The following CIAO1 variants were observed in gnomAD, a reference collection of about 807,000 sequenced individuals.
The protein encoded by CIAO1 is cytosolic iron-sulfur assembly component 1.
In CIAO1, 32 loss-of-function variants were observed where a neutral mutation model predicts 43.1. The observed-to-expected ratio is 0.74, with a 90% confidence interval of 0.56 to 1.00. The LOEUF is 1.00. Ranked by LOEUF, CIAO1 falls within the 50% of genes least tolerant of loss-of-function variation. The pLI, the probability that CIAO1 is intolerant of heterozygous loss-of-function variation, is 0.00. For missense variants in CIAO1, 415 were observed against 437.4 expected (o/e 0.95, Z 0.46); for synonymous variants, 183 against 171.4 (o/e 1.07, Z -0.53).
At position 96,271,166 on chromosome 2, in the gene CIAO1, T is replaced by G; in HGVS notation, c.835T>G (p.Phe279Val). Residue 279 changes from phenylalanine (F) to valine (V), a missense_variant, in exon 7 of 7, where the codon TTT becomes GTT. Coordinates refer to ENST00000488633, the MANE Select transcript of CIAO1 (RefSeq NM_004804.3). ...TACGDDAIRV[F>V]QEDPNSDPQQ... ...TTGTGGGGATGACGCGATCCGCGTG[T>G]TTCAGGAGGATCCCAACTCGGATCC... The G allele has an allele frequency of 6.2e-7, 1 of 1,614,196 alleles. No homozygotes were observed. The highest frequency in any genetic ancestry group is 1.7e-5 in the Admixed American group (1 of 60,018).
chr2:96,266,566 G>A, intron 1 of CIAO1, 77 bp downstream of exon 1: 2 of 1,291,726 alleles, frequency 1.5e-6, no homozygotes, highest in Non-Finnish European at 2.0e-6. Context: ...CAGCCTGCAG[G>A]GGAGGCTGAA....
intron 6 of CIAO1, among the ~76,000 whole-genome samples, chr2:96,269,710 T>G (rs1016100790): frequency 6.6e-6 from 1 of 152,114 alleles, no homozygotes; most frequent in African/African-American, 2.4e-5. Context: ...TGCGGTGGCG[T>G]GATCTCATCT....
chr2:96,269,114 T>TA lies in CIAO1; in HGVS notation c.692-153dup, dbSNP rs929686240. 18 of 668,018 alleles carry TA rather than the reference T, an allele frequency of 2.7e-5. No individual in the cohort carries two copies. The Admixed American group carries it at 2.9e-4, about 11-fold the overall frequency. 41.4% of individuals were successfully genotyped at this position (668,018 alleles called of 1,614,324 possible). On this transcript the variant is annotated intron_variant, in intron 5 of 6. Coordinates refer to ENST00000488633, the MANE Select transcript of CIAO1 (RefSeq NM_004804.3). ...TGCTTGAGAAACGCCAGTCTGGCTA[T>TA]AGTGTGTAAGGCAGATAAGCAGGGA...
In CIAO1 at chr2:96,268,874, C is replaced by T. The variant is rs1316482011; in HGVS notation, c.691+216C>T. The T allele has an allele frequency of 1.6e-5, 9 of 577,088 alleles. No homozygotes were observed. In the East Asian group the frequency reaches 1.8e-4, roughly 11 times the overall value. The allele number at this position is 577,088 out of a possible 1,614,324, so 35.7% of individuals were successfully genotyped here. A position where few individuals can be genotyped will look rare whatever the true frequency, so the allele number is the denominator to read the frequency against. ...GTAGGATTTTAACATGAGAATTTCA[C>T]GTGAGAATTCAAGTGAAAACTCAAC... On this transcript the variant is annotated intron_variant, in intron 5 of 6. Transcript: ENST00000488633.
At position 96,268,488 on chromosome 2, in the gene CIAO1, T is replaced by C; in HGVS notation, c.521T>C (p.Val174Ala). Residue 174 changes from valine (V) to alanine (A), a missense_variant, in exon 5 of 7, where the codon GTG (valine) becomes GCG (alanine). Val to Ala is a moderately conservative substitution (Grantham distance 64). Transcript: ENST00000488633. ...GCTTCTGCCAGCTATGATGACACAG[T>C]GAAGCTGTACCGGGAGGAAGAGGAT... is the stretch of plus-strand genomic sequence containing the variant. ...LLASASYDDT[V>A]KLYREEEDDW... The C allele has an allele frequency of 1.9e-6, 3 of 1,614,196 alleles. No homozygotes were observed. Among genetic ancestry groups the C allele is most frequent in the Non-Finnish European group, 2.5e-6 (3 of 1,180,036 alleles).
rs753252906 is a variant in CIAO1 at position 96,271,118 on chromosome 2, C to A, written c.787C>A (p.Leu263Met). The A allele has an allele frequency of 1.4e-5, 23 of 1,614,098 alleles. No individual in the cohort carries two copies. The highest frequency in any genetic ancestry group is 1.8e-5 in the Non-Finnish European group (21 of 1,180,046). ...RTIYDIAWCQ[L>M]TGALATACGD... ...ATGTCACTTTCCTTCCAGGTGTCAG[C>A]TGACAGGGGCTCTGGCCACAGCTTG... The change falls in exon 7 of 7, where the codon CTG (leucine) becomes ATG (methionine). Residue 263 changes from leucine to methionine, a missense_variant. Physicochemically the swap from Leu to Met is conservative, Grantham distance 15. Transcript: ENST00000488633.
Position 96,268,596 on chromosome 2 carries a change from C to T in CIAO1, c.629C>T (p.Ala210Val), listed in dbSNP as rs767347306. 5 of 1,614,048 alleles carry T rather than the reference C, an allele frequency of 3.1e-6. No homozygotes were observed. The highest frequency in any genetic ancestry group is 2.2e-5 in the South Asian group (2 of 91,088). ...TTTGACCCGAGTGGCCAGCGCCTGGCGTCTTGTAGTGATGACCGTACTGTG... is the reference window on the plus strand; with the variant it reads ...TTTGACCCGAGTGGCCAGCGCCTGGTGTCTTGTAGTGATGACCGTACTGTG... ...LAFDPSGQRL[A>V]SCSDDRTVRI... Residue 210 changes from alanine to valine, a missense_variant, in exon 5 of 7, where the codon GCG becomes GTG. Physicochemically the swap from Ala to Val is moderately conservative, Grantham distance 64. Transcript: ENST00000488633.
At chr2:96,267,134 CA>C (rs1183454827) in intron 1 of CIAO1, among the ~76,000 whole-genome samples, 186 bp from the exon 2 acceptor site, 1,403 of 36,768 alleles carry the variant, frequency 0.038, 9 homozygotes, top group African/African-American at 0.15. Flanking sequence ...AACTCCGTCT[CA>C]AAAAAAAAAA....
intron 1 of CIAO1, 72 bp from the exon 2 acceptor site, chr2:96,267,249 C>G (rs1684451321): frequency 6.7e-7 from 1 of 1,482,516 alleles, no homozygotes. Context: ...GATTCCAGTG[C>G]TAGCCCCTGA....
chr2:96,268,947 G>A, intron 5 of CIAO1: 2 of 566,866 alleles, frequency 3.5e-6, no homozygotes, highest in Non-Finnish European at 6.3e-6. Flanking sequence ...CTGAGGGGTG[G>A]TAATGCATTT....
intron 1 of CIAO1, among the ~76,000 whole-genome samples, 183 bp from the exon 2 acceptor site, chr2:96,267,134 CAAAA>C (rs1183454827): frequency 4.6e-4 from 17 of 36,802 alleles, no homozygotes; most frequent in African/African-American, 6.5e-4. Context: ...AACTCCGTCT[CAAAA>C]AAAAAAAAAA....
intron 2 of CIAO1, 30 bp from the exon 3 acceptor site, chr2:96,267,595 T>A (rs764488827): frequency 6.2e-7 from 1 of 1,611,714 alleles, no homozygotes; most frequent in East Asian, 2.2e-5. Flanking sequence ...TTAGCTGCTG[T>A]TAATTCTCAT....
At chr2:96,266,800 G>A (rs187185361) in intron 1 of CIAO1, among the ~76,000 whole-genome samples, 1 of 152,318 alleles carries the variant, frequency 6.6e-6, no homozygotes, top group African/African-American at 2.4e-5. Context: ...CGAGGGCATT[G>A]GGGAACCAAT....
At chr2:96,270,905 A>T (rs2104319769) in intron 6 of CIAO1, among the ~76,000 whole-genome samples, 1 of 152,240 alleles carries the variant, frequency 6.6e-6, no homozygotes, top group Non-Finnish European at 1.5e-5. Context: ...TTTTTAGGAT[A>T]ATCATAGTAG....
In CIAO1 at chr2:96,267,621, A is replaced by T. The variant is rs1684461070; in HGVS notation, c.289-4A>T. On this transcript the variant is annotated splice_region_variant and splice_polypyrimidine_tract_variant and intron_variant, in intron 2 of 6. Transcript: ENST00000488633. ...TAATTCTCATTTTCTTTCCCCTTTC[A>T]CAGTGTGTAACCACTCTCGAGGGCC... is the stretch of plus-strand genomic sequence containing the variant. 1 of 1,613,624 alleles carries T rather than the reference A, an allele frequency of 6.2e-7. No individual in the cohort carries two copies. Among genetic ancestry groups the T allele is most frequent in the African/African-American group, 1.3e-5 (1 of 74,980 alleles).
intron 6 of CIAO1, 26 bp from the exon 7 acceptor site, chr2:96,271,085 A>G (rs1684540634): frequency 6.2e-7 from 1 of 1,613,930 alleles, no homozygotes; most frequent in Non-Finnish European, 8.5e-7. Context: ...AGTCAGGTAT[A>G]CCCACTGATG....
At chr2:96,267,177 G>T in intron 1 of CIAO1, 144 bp from the exon 2 acceptor site, 11 of 282,870 alleles carry the variant, frequency 3.9e-5, no homozygotes, top group East Asian at 7.8e-5. Context: ...AGACGAAGTA[G>T]ATTCATTTGC....
rs1032968217 is a variant in CIAO1, at chr2:96,266,336, C to T, written c.-15C>T. ...GGACTCTGCCCGCCCCCACCTCCCC[C>T]TGCGTCGGGCCGACATGAAGGACTC... On this transcript the variant is annotated 5_prime_UTR_variant, in exon 1 of 7. Transcript: ENST00000488633. 2.1e-6 allele frequency: 3 copies of T among 1,395,478 alleles called. No individual in the cohort carries two copies. The highest frequency in any genetic ancestry group is 1.5e-5 in the African/African-American group (1 of 67,332). The allele number at this position is 1,395,478 out of a possible 1,614,324, so 86.4% of individuals were successfully genotyped here.
In CIAO1 at chr2:96,271,919, G is replaced by C. The variant is rs574178345; in HGVS notation, c.*568G>C. On this transcript the variant is annotated 3_prime_UTR_variant, in exon 7 of 7. Transcript: ENST00000488633. The stretch of plus-strand genomic sequence containing the variant: ...CAACCCTCATATACCTCCCTGCACC[G>C]TTACGCTGTGATGGCAACTGGGGAT... 6.6e-6 allele frequency: 1 copy of C among 152,302 alleles called. No homozygotes were observed. Among genetic ancestry groups the C allele is most frequent in the Non-Finnish European group, 1.5e-5 (1 of 68,200 alleles). 9.4% of individuals were successfully genotyped at this position (152,302 alleles called of 1,614,324 possible).
Sources: allele counts gnomAD v4.1 joint callset (sites outside exome capture counted in the v4.1 genomes callset), GRCh38; gene constraint gnomAD v4.1.1; transcripts MANE v1.5; gene names NCBI Gene and HGNC (gene_info 2026-07-23, HGNC 2026-07-21).